LEKR1: variants seen among roughly 807,000 people sequenced by gnomAD.
LEKR1 encodes protein LEKR1.
In LEKR1, 59 loss-of-function variants were observed where a neutral mutation model predicts 72.4. The ratio of observed to expected loss-of-function variants is 0.82; its 90% confidence interval spans 0.66 to 1.01. The LOEUF (loss-of-function observed/expected upper bound fraction) is 1.01, where lower values mean the gene tolerates loss of function less well. LEKR1 is among the 50% of genes least tolerant of loss of function. The pLI, the probability that LEKR1 is intolerant of heterozygous loss-of-function variation, is 0.00. For synonymous variants in LEKR1, 257 were observed against 263.2 expected, an observed-to-expected ratio of 0.98 and a Z score of 0.23; for missense variants, 728 against 759.2, an observed-to-expected ratio of 0.96 and a Z score of 0.48.
At chr3:157,036,287 T>C (rs1734963304) in intron 12 of LEKR1, among the ~76,000 whole-genome samples, 1 of 151,858 alleles carries the variant, frequency 6.6e-6, no homozygotes, top group South Asian at 2.1e-4. Context: ...AATATTAAAA[T>C]ATAAGGACTG....
At chr3:156,962,401 A>AC (rs937719947) in intron 6 of LEKR1, among the ~76,000 whole-genome samples, 1 of 152,210 alleles carries the variant, frequency 6.6e-6, no homozygotes, top group African/African-American at 2.4e-5. Context: ...TTGATAATGA[A>AC]CCACTGTGGG....
chr3:156,886,748 G>A (rs1041095945), intron 3 of LEKR1, among the ~76,000 whole-genome samples: 2 of 152,184 alleles, frequency 1.3e-5, no homozygotes, highest in Non-Finnish European at 2.9e-5. Context: ...TTGGAAGTAG[G>A]TTTTCTCCCC....
At chr3:157,043,882 C>T (rs562692511) in intron 12 of LEKR1, among the ~76,000 whole-genome samples, 3 of 152,174 alleles carry the variant, frequency 2.0e-5, no homozygotes, top group Admixed American at 6.5e-5. Context: ...GTAAATAAAT[C>T]GTATATGTAA....
chr3:157,015,350 C>T (rs764304104), intron 10 of LEKR1, among the ~76,000 whole-genome samples: 3 of 152,076 alleles, frequency 2.0e-5, no homozygotes, highest in Non-Finnish European at 2.9e-5. Context: ...ATAAAGCCAG[C>T]GACAGACAGA....
intron 12 of LEKR1, among the ~76,000 whole-genome samples, chr3:157,036,834 G>T (rs533511491): frequency 3.3e-5 from 5 of 152,204 alleles, no homozygotes; most frequent in Admixed American, 2.0e-4. Flanking sequence ...GCTTACATGG[G>T]GTGTTTGAAC....
intron 9 of LEKR1, among the ~76,000 whole-genome samples, chr3:157,008,312 A>G (rs1037498963): frequency 1.1e-4 from 17 of 152,128 alleles, no homozygotes; most frequent in African/African-American, 3.9e-4. Flanking sequence ...TCACCTGCAC[A>G]TTGCTTCACC....
chr3:156,840,490 C>A (rs1353774178), intron 2 of LEKR1, among the ~76,000 whole-genome samples: 2 of 152,178 alleles, frequency 1.3e-5, no homozygotes, highest in Admixed American at 6.5e-5. Context: ...TGAGTTATAA[C>A]CTCAAACTTT....
rs1309527672 is a variant in LEKR1, at chr3:156,992,670, C to T, written c.845C>T (p.Ala282Val). Residue 282 changes from alanine to valine, a missense_variant, in exon 8 of 13, where the codon GCT (alanine) becomes GTT (valine). Physicochemically the swap from Ala to Val is moderately conservative, Grantham distance 64. Transcript: ENST00000356539. The part of the protein sequence containing the change: ...KEMLMNKSNE[A>V]DDCQRELKKL... ...TATTTTAGGAATAAATCTAATGAAG[C>T]TGATGACTGTCAAAGAGAACTTAAA... 1.9e-5 allele frequency: 18 copies of T among 959,426 alleles called. No homozygotes were observed. Among genetic ancestry groups the T allele is most frequent in the Non-Finnish European group, 2.4e-5 (18 of 752,026 alleles). The allele number at this position is 959,426 out of a possible 1,614,324, so 59.4% of individuals were successfully genotyped here.
chr3:156,977,060 C>G (rs750844159), intron 6 of LEKR1, among the ~76,000 whole-genome samples: 11 of 152,186 alleles, frequency 7.2e-5, no homozygotes, highest in Non-Finnish European at 1.5e-4. Context: ...AAGTTCCCAT[C>G]CTTGAACTGG....
At chr3:156,857,455 T>C (rs1231781078) in intron 3 of LEKR1, among the ~76,000 whole-genome samples, 1 of 152,140 alleles carries the variant, frequency 6.6e-6, no homozygotes, top group Non-Finnish European at 1.5e-5. Flanking sequence ...AATAGAAGAT[T>C]TAAAAAATAA....
At chr3:156,911,402 T>C (rs959711880) in intron 3 of LEKR1, among the ~76,000 whole-genome samples, 11 of 152,156 alleles carry the variant, frequency 7.2e-5, no homozygotes, top group African/African-American at 2.2e-4. Flanking sequence ...ATTCTGGATA[T>C]TAGACTTGTT....
intron 4 of LEKR1, chr3:156,925,383 C>G (rs1409661593): frequency 1.3e-5 from 2 of 151,088 alleles, no homozygotes; most frequent in Non-Finnish European, 3.0e-5. Context: ...TGCTAACACT[C>G]CAAGTCCTTT....
chr3:156,977,225 C>T (rs1441375241), intron 6 of LEKR1, among the ~76,000 whole-genome samples: 1 of 152,212 alleles, frequency 6.6e-6, no homozygotes, highest in East Asian at 1.9e-4. Context: ...CCTAGGGATC[C>T]TGCCTGGTGG....
At chr3:156,998,881 G>A (rs576962358) in intron 9 of LEKR1, among the ~76,000 whole-genome samples, 1 of 151,872 alleles carries the variant, frequency 6.6e-6, no homozygotes, top group African/African-American at 2.4e-5. Context: ...CACTGATATG[G>A]TTTGGCTGTG....
chr3:156,881,163 G>A (rs1374653447), intron 3 of LEKR1, among the ~76,000 whole-genome samples: 5 of 152,138 alleles, frequency 3.3e-5, no homozygotes, highest in Non-Finnish European at 7.3e-5. Flanking sequence ...AATTAGGCAG[G>A]AGAAGGAAAT....
chr3:156,864,207 C>G (rs1717070566), intron 3 of LEKR1, among the ~76,000 whole-genome samples: 1 of 152,086 alleles, frequency 6.6e-6, no homozygotes, highest in East Asian at 1.9e-4. Context: ...TCTGTTGTCA[C>G]TTTCTTTCTT....
intron 6 of LEKR1, among the ~76,000 whole-genome samples, chr3:156,943,738 G>A (rs1025108053): frequency 2.0e-5 from 3 of 151,862 alleles, no homozygotes; most frequent in Admixed American, 2.0e-4. Context: ...AACCTCCTGT[G>A]TTTGGGAGTC....
chr3:156,967,095 CAGAA>C (rs1728686717), intron 6 of LEKR1, among the ~76,000 whole-genome samples: 1 of 152,302 alleles, frequency 6.6e-6, no homozygotes, highest in Admixed American at 6.5e-5. Flanking sequence ...AACTAACAAA[CAGAA>C]AGGACATCCA....
At chr3:156,988,378 C>A in intron 7 of LEKR1, 1 of 231,026 alleles carries the variant, frequency 4.3e-6, no homozygotes, top group South Asian at 7.9e-5. Flanking sequence ...TGTTGGGGAG[C>A]TGATGATGTG....
Sources: gnomAD v4.1 joint callset for allele counts (sites outside exome capture counted in the v4.1 genomes callset) on GRCh38, gnomAD v4.1.1 for gene constraint, MANE v1.5 for transcripts, NCBI Gene and HGNC (gene_info 2026-07-23, HGNC 2026-07-21) for gene names.